TOPBP1: variants seen among roughly 807,000 people sequenced by gnomAD.
TOPBP1 encodes the protein DNA topoisomerase II binding protein 1.
TOPBP1 carries 28 observed loss-of-function variants against 167.7 expected under a neutral mutation model. That is an observed-to-expected ratio of 0.17 (90% CI 0.12 to 0.23). The LOEUF is 0.23. TOPBP1 is among the 10% of genes least tolerant of loss of function. The pLI, the probability that TOPBP1 is intolerant of heterozygous loss-of-function variation, is 1.00. For missense variants in TOPBP1, 1,554 were observed against 1,809.6 expected (o/e 0.86, Z 2.56); for synonymous variants, 598 against 611.4 (o/e 0.98, Z 0.32).
chr3:133,628,794 G>A, intron 14 of TOPBP1, 61 bp from the exon 15 acceptor site: 10 of 1,495,722 alleles, frequency 6.7e-6, no homozygotes, highest in Non-Finnish European at 8.1e-6. Context: ...GAAGCAAGAT[G>A]GGTTAATAGG....
chr3:133,649,421 T>C lies in TOPBP1; in HGVS notation c.1466A>G (p.Asp489Gly), dbSNP rs767354110. 1 of 1,613,774 alleles carries C rather than the reference T, an allele frequency of 6.2e-7. No homozygotes were observed. Among genetic ancestry groups the C allele is most frequent in the African/African-American group, 1.3e-5 (1 of 75,054 alleles). The change falls in exon 10 of 28, where the codon GAT (aspartate) becomes GGT (glycine). Residue 489 changes from aspartate (D) to glycine (G), a missense_variant. Physicochemically the swap from Asp to Gly is moderately conservative, Grantham distance 94. Coordinates refer to ENST00000260810, the MANE Select transcript of TOPBP1 (RefSeq NM_007027.4). ...PSEKHEQADE[D>G]LLSQYENGSS... ...ACCATTTTCATATTGAGAGAGCAGATCTTCATCAGCTTGCTCATGCTTTTC... is the reference window on the plus strand; with the variant it reads ...ACCATTTTCATATTGAGAGAGCAGACCTTCATCAGCTTGCTCATGCTTTTC...
At position 133,624,170 on chromosome 3, in the gene TOPBP1, C is replaced by T; in HGVS notation, c.2810G>A (p.Ser937Asn). 6.2e-7 allele frequency: 1 copy of T among 1,613,216 alleles called. No homozygotes were observed. Reference protein sequence around the residue: ...AASLGADYRWSFDETVTHFIY... With the variant: ...AASLGADYRWNFDETVTHFIY... ...GAAATGAGTCACTGTTTCATCAAAACTCCACCTGAAATAACCAATACAAAA... is the reference window on the plus strand; with the variant it reads ...GAAATGAGTCACTGTTTCATCAAAATTCCACCTGAAATAACCAATACAAAA... Residue 937 changes from serine (S) to asparagine (N), a missense_variant, in exon 17 of 28, where the codon AGT (serine) becomes AAT (asparagine). Physicochemically the swap from Ser to Asn is conservative, Grantham distance 46 (BLOSUM62 1). Coordinates refer to ENST00000260810, the MANE Select transcript of TOPBP1 (RefSeq NM_007027.4).
At position 133,616,914 on chromosome 3, in the gene TOPBP1, T is replaced by C; in HGVS notation, c.3771A>G (p.Ile1257Met). Residue 1257 changes from isoleucine to methionine, a missense_variant, in exon 23 of 28, where the codon ATA becomes ATG. By Grantham distance (10) the Ile-to-Met change is conservative (BLOSUM62 1). Coordinates refer to ENST00000260810, the MANE Select transcript of TOPBP1 (RefSeq NM_007027.4). ...TTTTTAATTCTTCATGAGTCTCCTC[T>C]ATCGTTATAATCTGGAATGAAAGTT... is the stretch of plus-strand genomic sequence containing the variant. ...APHPREKIIT[I>M]EETHEELKKQ... is the part of the protein sequence containing the mutation. The C allele has an allele frequency of 6.6e-7, 1 of 1,513,688 alleles. No homozygotes were observed. Among genetic ancestry groups the C allele is most frequent in the Non-Finnish European group, 8.8e-7 (1 of 1,132,152 alleles). The allele number at this position is 1,513,688 out of a possible 1,614,324, so 93.8% of individuals were successfully genotyped here.
In TOPBP1 at chr3:133,601,269, T is replaced by C. The variant is rs1234695941; in HGVS notation, c.4550A>G (p.Lys1517Arg). Residue 1517 changes from lysine (K) to arginine (R), a missense_variant, in exon 28 of 28, where the codon AAA (lysine) becomes AGA (arginine). By Grantham distance (26) the Lys-to-Arg change is conservative. Transcript: ENST00000260810. ...RKAPTEKNKIKRPRVH is the reference protein window; with the variant it reads ...RKAPTEKNKIRRPRVH ...ATGCGATTAGTGTACTCTAGGTCGT[T>C]TGATTTTATTTTTTTCTGTAGGAGC... is the stretch of plus-strand genomic sequence containing the variant. 1 of 1,594,526 alleles carries C rather than the reference T, an allele frequency of 6.3e-7. No homozygotes were observed. Among genetic ancestry groups the C allele is most frequent in the South Asian group, 1.1e-5 (1 of 88,384 alleles).
chr3:133,654,676 TA>T (rs1269277682), intron 6 of TOPBP1, among the ~76,000 whole-genome samples: 2 of 152,210 alleles, frequency 1.3e-5, no homozygotes, highest in African/African-American at 2.4e-5. Flanking sequence ...AGAGTGCTGA[TA>T]AAAAATTATC....
In TOPBP1 at chr3:133,601,399, A is replaced by G; in HGVS notation, c.4426-6T>C. 2 of 1,477,212 alleles carry G rather than the reference A, an allele frequency of 1.4e-6. No homozygotes were observed. Among genetic ancestry groups the G allele is most frequent in the Middle Eastern group, 2.0e-4 (1 of 5,024 alleles). The allele number at this position is 1,477,212 out of a possible 1,614,324, so 91.5% of individuals were successfully genotyped here. ...TCTACATGAGGAGGTGATTCCTATA[A>G]AAGGAAAAATAAGTGATTTTTTAAA... is the stretch of plus-strand genomic sequence containing the variant. On this transcript the variant is annotated splice_polypyrimidine_tract_variant and splice_region_variant and intron_variant, in intron 27 of 27. Transcript: ENST00000260810.
chr3:133,643,201 T>G lies in TOPBP1; in HGVS notation c.2020A>C (p.Ser674Arg). Residue 674 changes from serine (S) to arginine (R), a missense_variant and splice_region_variant, in exon 12 of 28, where the codon AGT becomes CGT. Transcript: ENST00000260810. ...AGGTGCATTAAAAATATTACATACC[T>G]TGCTCCAAGGAGGTTTGCTAGGAAT... ...LTFLANLLGA[S>R]VQEYFVRKSN... 1 of 1,582,630 alleles carries G rather than the reference T, an allele frequency of 6.3e-7. No individual in the cohort carries two copies. Among genetic ancestry groups the G allele is most frequent in the Non-Finnish European group, 8.6e-7 (1 of 1,169,316 alleles).
Position 133,644,052 on chromosome 3 carries a change from T to C in TOPBP1, c.1816A>G (p.Thr606Ala). ...GTATTTGTAACAACTTCTCCCACAG[T>C]GGCTTCCACTTCACACCCCAGCAGA... Reference protein sequence around the residue: ...VPLLGCEVEATVGEVVTNTWL... With the variant: ...VPLLGCEVEAAVGEVVTNTWL... Residue 606 changes from threonine to alanine, a missense_variant, in exon 11 of 28, where the codon ACT (threonine) becomes GCT (alanine). Transcript: ENST00000260810. 5 of 1,607,930 alleles carry C rather than the reference T, an allele frequency of 3.1e-6. No individual in the cohort carries two copies. Among genetic ancestry groups the C allele is most frequent in the Non-Finnish European group, 4.2e-6 (5 of 1,177,558 alleles).
chr3:133,620,389 T>C, intron 19 of TOPBP1, 42 bp from the exon 20 acceptor site: 2 of 1,574,926 alleles, frequency 1.3e-6, no homozygotes, highest in Non-Finnish European at 1.7e-6. Context: ...TAAGTTCCTC[T>C]TTTTTACCAT....
intron 6 of TOPBP1, 78 bp from the exon 7 acceptor site, chr3:133,653,602 G>T: frequency 2.5e-6 from 3 of 1,186,458 alleles, no homozygotes; most frequent in Non-Finnish European, 3.4e-6. Context: ...TATCTTTGCA[G>T]AAATATTCAA....
chr3:133,634,712 T>C (rs759463059), intron 14 of TOPBP1, among the ~76,000 whole-genome samples: 9 of 152,002 alleles, frequency 5.9e-5, no homozygotes, highest in Non-Finnish European at 1.0e-4. Context: ...GAATAGTACA[T>C]CCAAACAATT....
chr3:133,656,555 G>T, intron 5 of TOPBP1, 121 bp downstream of exon 5: 1 of 972,228 alleles, frequency 1.0e-6, no homozygotes. Context: ...TTTCGCTGGA[G>T]AAAAGAGTAA....
chr3:133,606,830 T>C (rs909474773), intron 27 of TOPBP1, among the ~76,000 whole-genome samples: 3 of 152,078 alleles, frequency 2.0e-5, no homozygotes, highest in Non-Finnish European at 2.9e-5. Context: ...CCCTAGTCCA[T>C]ACCTCAGAGC....
chr3:133,613,833 T>TGGAGTGCA (rs1175560954), intron 23 of TOPBP1, among the ~76,000 whole-genome samples: 1 of 148,806 alleles, frequency 6.7e-6, no homozygotes, highest in Non-Finnish European at 1.5e-5. Flanking sequence ...TCACCCAGGC[T>TGGAGTGCA]GGAGTGCAGG....
intron 27 of TOPBP1, among the ~76,000 whole-genome samples, chr3:133,604,445 A>AC (rs1443664385): frequency 6.6e-6 from 1 of 151,810 alleles, no homozygotes; most frequent in Non-Finnish European, 1.5e-5. Flanking sequence ...CCAGGAATAA[A>AC]CTTATTACAC....
chr3:133,621,308 C>G (rs1052684449), intron 19 of TOPBP1, among the ~76,000 whole-genome samples: 2 of 152,152 alleles, frequency 1.3e-5, no homozygotes, highest in African/African-American at 2.4e-5. Context: ...CCACCGTGCC[C>G]AGACTCCCCA....
intron 6 of TOPBP1, 21 bp downstream of exon 6, chr3:133,655,269 C>G: frequency 7.4e-7 from 1 of 1,347,478 alleles, no homozygotes; most frequent in African/African-American, 1.5e-5. Context: ...TCATTTGTCC[C>G]TTTGTGAAAC....
At position 133,640,041 on chromosome 3, in the gene TOPBP1, A is replaced by T. The variant is rs1460172734; in HGVS notation, c.2151T>A (p.Thr717=). ...TAGCAGTCTCCAACAGCCAAGCTAT[A>T]GTAACGGCAGGTAAATTCCACTTCT... ...AAKKWNLPAV[T]IAWLLETART... The change falls in exon 13 of 28, where the codon ACT becomes ACA. Residue 717 remains threonine (T), a synonymous_variant. Coordinates refer to ENST00000260810, the MANE Select transcript of TOPBP1 (RefSeq NM_007027.4). The T allele has an allele frequency of 6.2e-7, 1 of 1,613,950 alleles. No individual in the cohort carries two copies. Among genetic ancestry groups the T allele is most frequent in the Non-Finnish European group, 8.5e-7 (1 of 1,179,858 alleles).
intron 27 of TOPBP1, among the ~76,000 whole-genome samples, chr3:133,604,518 A>T (rs900137670): frequency 6.6e-6 from 1 of 151,944 alleles, no homozygotes; most frequent in Non-Finnish European, 1.5e-5. Flanking sequence ...GATGAAATGG[A>T]TATATTATTT....
Sources: gnomAD v4.1 joint callset for allele counts (sites outside exome capture counted in the v4.1 genomes callset) on GRCh38, gnomAD v4.1.1 for gene constraint, MANE v1.5 for transcripts, NCBI Gene and HGNC (gene_info 2026-07-23, HGNC 2026-07-21) for gene names.